LRMDA: variants seen among roughly 807,000 people sequenced by gnomAD.
LRMDA encodes the protein leucine-rich melanocyte differentiation-associated protein.
In LRMDA, 18 loss-of-function variants were observed where a neutral mutation model predicts 29.8. The observed-to-expected ratio is 0.60, with a 90% CI of 0.42 to 0.90. The LOEUF is 0.90. Among genes scored for constraint, LRMDA ranks in the 40% least tolerant of loss-of-function variants. LRMDA has a pLI of 0.00. For synonymous variants in LRMDA, 125 were observed against 109.4 expected (o/e 1.14, Z -0.89); for missense variants, 273 against 273.9 (o/e 1.00, Z 0.02).
chr10:76,424,565 G>T (rs1004933369), intron 6 of LRMDA, among the ~76,000 whole-genome samples: 1 of 151,956 alleles, frequency 6.6e-6, no homozygotes. Context: ...AACAAAAACA[G>T]GTAGGACCAC....
At chr10:76,078,050 G>A (rs376159068) in intron 5 of LRMDA, among the ~76,000 whole-genome samples, 93 of 111,950 alleles carry the variant, frequency 8.3e-4, no homozygotes, top group African/African-American at 3.1e-3. Flanking sequence ...TCGCTCTGTC[G>A]CCCAGGCTGT....
intron 2 of LRMDA, among the ~76,000 whole-genome samples, chr10:75,679,805 G>C (rs541114380): frequency 4.6e-4 from 70 of 152,100 alleles, no homozygotes; most frequent in African/African-American, 1.4e-3. Context: ...TACTTCTGAT[G>C]TGGCTTAGAT....
chr10:75,848,335 AG>A (rs1224257194), intron 2 of LRMDA, among the ~76,000 whole-genome samples: 1 of 152,252 alleles, frequency 6.6e-6, no homozygotes, highest in African/African-American at 2.4e-5. Flanking sequence ...ACTTGTAGGA[AG>A]TAACTAAAGT....
chr10:75,677,285 A>T (rs1420507843), intron 2 of LRMDA, among the ~76,000 whole-genome samples: 1 of 152,150 alleles, frequency 6.6e-6, no homozygotes, highest in Non-Finnish European at 1.5e-5. Context: ...GAAGAGTTAC[A>T]CGGGCTGGCT....
intron 2 of LRMDA, among the ~76,000 whole-genome samples, chr10:75,565,202 G>A (rs975111377): frequency 1.1e-4 from 16 of 152,234 alleles, no homozygotes; most frequent in South Asian, 4.1e-4. Flanking sequence ...TTGGCAGGTC[G>A]GAGGTTCTTT....
rs866127264 is a variant in LRMDA, at chr10:75,472,156, G to C, written c.131+33662G>C. Reference sequence around the variant, plus strand: ...CCACTTCTGTCCAGCTTTTAAATCAGCTCAACATCTATAGCCTCCAGTCCC... The same window carrying C: ...CCACTTCTGTCCAGCTTTTAAATCACCTCAACATCTATAGCCTCCAGTCCC... On this transcript the variant is annotated intron_variant, in intron 2 of 6. Coordinates refer to ENST00000611255, the MANE Select transcript of LRMDA (RefSeq NM_001305581.2). Among the ~76,000 whole-genome samples, 54 of 152,108 alleles carry C rather than the reference G, an allele frequency of 3.6e-4. 1 individual carries two copies. The highest frequency in any genetic ancestry group is 6.8e-3 in the Middle Eastern group (2 of 294).
At chr10:76,433,478 T>C (rs1842212649) in intron 6 of LRMDA, among the ~76,000 whole-genome samples, 1 of 152,216 alleles carries the variant, frequency 6.6e-6, no homozygotes, top group African/African-American at 2.4e-5. Context: ...CGTGCATTTC[T>C]TGGACAGGCA....
At chr10:75,825,866 G>A (rs1261929326) in intron 2 of LRMDA, among the ~76,000 whole-genome samples, 1 of 152,178 alleles carries the variant, frequency 6.6e-6, no homozygotes, top group Non-Finnish European at 1.5e-5. Flanking sequence ...GTTACCCAGT[G>A]ACCCCCTTGC....
At chr10:75,606,578 G>C (rs939413500) in intron 2 of LRMDA, among the ~76,000 whole-genome samples, 47 of 152,140 alleles carry the variant, frequency 3.1e-4, no homozygotes, top group African/African-American at 1.0e-3. Flanking sequence ...TAAAGGACTG[G>C]GGACATTTAT....
chr10:76,130,498 A>G (rs1238132179), intron 5 of LRMDA, among the ~76,000 whole-genome samples: 15 of 152,232 alleles, frequency 9.9e-5, no homozygotes. Context: ...TTTAAAAAAA[A>G]GAAAAACTTC....
At chr10:76,013,452 A>G (rs950895190) in intron 2 of LRMDA, among the ~76,000 whole-genome samples, 3 of 152,120 alleles carry the variant, frequency 2.0e-5, no homozygotes, top group African/African-American at 7.2e-5. Flanking sequence ...TGACATTTTA[A>G]TTTCAAATTA....
chr10:76,427,766 G>C (rs189582475), intron 6 of LRMDA, among the ~76,000 whole-genome samples: 89 of 152,244 alleles, frequency 5.8e-4, no homozygotes, highest in African/African-American at 2.0e-3. Context: ...TTATTATTTT[G>C]AGATAAGTCC....
intron 2 of LRMDA, among the ~76,000 whole-genome samples, chr10:75,835,305 A>T (rs1457075532): frequency 6.6e-6 from 1 of 152,116 alleles, no homozygotes; most frequent in Non-Finnish European, 1.5e-5. Context: ...TTCAAAGCAC[A>T]TCTCTCAGTT....
At chr10:75,984,099 A>G (rs1302110433) in intron 2 of LRMDA, among the ~76,000 whole-genome samples, 1 of 152,202 alleles carries the variant, frequency 6.6e-6, no homozygotes, top group Non-Finnish European at 1.5e-5. Flanking sequence ...TGAGAATGTC[A>G]GTGTCTGGGC....
At chr10:76,284,651 A>G (rs986915843) in intron 5 of LRMDA, among the ~76,000 whole-genome samples, 4 of 152,110 alleles carry the variant, frequency 2.6e-5, no homozygotes, top group African/African-American at 9.7e-5. Flanking sequence ...TTTGTTTAAG[A>G]TAGGGACTGA....
At chr10:75,640,398 G>A (rs1444576739) in intron 2 of LRMDA, among the ~76,000 whole-genome samples, 2 of 152,160 alleles carry the variant, frequency 1.3e-5, no homozygotes, top group African/African-American at 2.4e-5. Flanking sequence ...GCAGACAGAA[G>A]AGCATTTTGC....
At chr10:75,474,302 A>T (rs917236572) in intron 2 of LRMDA, among the ~76,000 whole-genome samples, 12 of 152,208 alleles carry the variant, frequency 7.9e-5, no homozygotes, top group African/African-American at 2.9e-4. Flanking sequence ...ATAACAAAAT[A>T]CCATGGACTG....
intron 5 of LRMDA, among the ~76,000 whole-genome samples, chr10:76,266,813 C>G (rs1003395109): frequency 6.6e-6 from 1 of 152,112 alleles, no homozygotes; most frequent in African/African-American, 2.4e-5. Context: ...GAATGGATGA[C>G]AATTTGAAAC....
rs1426533531 is a variant in LRMDA, at chr10:76,036,057, G to T, written c.181G>T (p.Asp61Tyr). Residue 61 changes from aspartate (D) to tyrosine (Y), a missense_variant, in exon 3 of 7, where the codon GAC (aspartate) becomes TAC (tyrosine). Asp to Tyr is a radical substitution (Grantham distance 160, BLOSUM62 -3). Coordinates refer to ENST00000611255, the MANE Select transcript of LRMDA (RefSeq NM_001305581.2). ...CAGGAGCCTGGAGGAACTCATCTTG[G>T]ACAACAATCAGCTGGGGGACGACCT... The part of the protein sequence containing the change: ...AFRSLEELIL[D>Y]NNQLGDDLVL... 1.2e-6 allele frequency: 2 copies of T among 1,613,990 alleles called. No individual in the cohort carries two copies. Among genetic ancestry groups the T allele is most frequent in the Non-Finnish European group, 1.7e-6 (2 of 1,180,046 alleles).
Sources: allele counts gnomAD v4.1 joint callset (sites outside exome capture counted in the v4.1 genomes callset), GRCh38; gene constraint gnomAD v4.1.1; transcripts MANE v1.5; gene names NCBI Gene and HGNC (gene_info 2026-07-23, HGNC 2026-07-21).